The following PTPN12 variants were observed in gnomAD, a reference collection of about 807,000 sequenced individuals.
The protein encoded by PTPN12 is tyrosine-protein phosphatase non-receptor type 12.
In PTPN12, 29 loss-of-function variants were observed where a neutral mutation model predicts 97.6. The ratio of observed to expected loss-of-function variants is 0.30; its 90% CI spans 0.22 to 0.41. The LOEUF (loss-of-function observed/expected upper bound fraction) is 0.41, where lower values mean the gene tolerates loss of function less well. Ranked by LOEUF, PTPN12 falls within the 10% of genes least tolerant of loss-of-function variation. The pLI is 1.00. For missense variants in PTPN12, 819 were observed against 926.0 expected, an observed-to-expected ratio of 0.88 and a Z score of 1.50; for synonymous variants, 327 against 300.4, an observed-to-expected ratio of 1.09 and a Z score of -0.91.
At chr7:77,632,722 C>G (rs968428771) in intron 14 of PTPN12, among the ~76,000 whole-genome samples, 3 of 151,838 alleles carry the variant, frequency 2.0e-5, no homozygotes, top group South Asian at 4.1e-4. Context: ...TTTGGGAGGC[C>G]TAGGCAGGTG....
At chr7:77,573,689 T>G (rs1787238872) in intron 2 of PTPN12, among the ~76,000 whole-genome samples, 1 of 152,204 alleles carries the variant, frequency 6.6e-6, no homozygotes, top group African/African-American at 2.4e-5. Context: ...CATGCACACA[T>G]TCAAAGAGTT....
chr7:77,543,032 G>T (rs559712816), intron 1 of PTPN12, among the ~76,000 whole-genome samples: 4 of 152,116 alleles, frequency 2.6e-5, no homozygotes, highest in African/African-American at 9.7e-5. Context: ...TCCTGAGAAG[G>T]TGTGGTCAAG....
At position 77,597,883 on chromosome 7, in the gene PTPN12, C is replaced by T; in HGVS notation, c.534C>T (p.Leu178=). ...QARTDYFIRT[L]LLEFQNESRR... ...GAACAGACTACTTCATCAGGACACT[C>T]TTACTTGAATTTCAAAATGTAGGTA... The change falls in exon 7 of 18, where the codon CTC becomes CTT. Residue 178 remains leucine, a synonymous_variant. Transcript: ENST00000248594. 6.2e-7 allele frequency: 1 copy of T among 1,612,520 alleles called. No homozygotes were observed. Among genetic ancestry groups the T allele is most frequent in the South Asian group, 1.1e-5 (1 of 90,552 alleles).
chr7:77,584,187 T>C (rs1787612600), intron 4 of PTPN12, among the ~76,000 whole-genome samples: 2 of 152,362 alleles, frequency 1.3e-5, no homozygotes, highest in South Asian at 4.1e-4. Context: ...TGTAGTATTC[T>C]TGAAACCTAA....
intron 2 of PTPN12, among the ~76,000 whole-genome samples, chr7:77,573,084 A>G (rs1787204400): frequency 2.9e-5 from 2 of 68,284 alleles, no homozygotes; most frequent in African/African-American, 1.9e-4. Context: ...CTCTATCTCA[A>G]AAAAAAAAAA....
chr7:77,555,913 T>C (rs1807689475), intron 1 of PTPN12, among the ~76,000 whole-genome samples: 1 of 151,198 alleles, frequency 6.6e-6, no homozygotes, highest in Admixed American at 6.6e-5. Context: ...AGACTCCGTC[T>C]CAAAAAAAAA....
chr7:77,559,900 A>G (rs1009490735), intron 1 of PTPN12, among the ~76,000 whole-genome samples: 11 of 152,228 alleles, frequency 7.2e-5, no homozygotes, highest in African/African-American at 2.7e-4. Context: ...CGGCATTGGT[A>G]GTGATGGGAT....
intron 2 of PTPN12, among the ~76,000 whole-genome samples, chr7:77,576,425 C>T (rs920443892): frequency 6.6e-6 from 1 of 151,912 alleles, no homozygotes; most frequent in Non-Finnish European, 1.5e-5. Context: ...TCTGGCAGGG[C>T]GAGGTGACTC....
In PTPN12 at chr7:77,583,657, A is replaced by T; in HGVS notation, c.381+7A>T. ...ATGGGAGTATAATGTTGTGGTAAGT[A>T]ATTTACTTTTCACAATAAATTTTGA... On this transcript the variant is annotated splice_region_variant and intron_variant, in intron 4 of 17. Coordinates refer to ENST00000248594, the MANE Select transcript of PTPN12 (RefSeq NM_002835.4). The T allele has an allele frequency of 6.5e-7, 1 of 1,527,598 alleles. No individual in the cohort carries two copies. The highest frequency in any genetic ancestry group is 2.3e-5 in the East Asian group (1 of 44,100). 94.6% of individuals were successfully genotyped at this position (1,527,598 alleles called of 1,614,324 possible).
At position 77,573,092 on chromosome 7, in the gene PTPN12, A is replaced by AAC. The variant is rs1419689105; in HGVS notation, c.208+1907_208+1908insCA. ...AGTAAGACTCTATCTCAAAAAAAAA[A>AAC]AAAACAAAAAAACAAAAAAAACCAG... On this transcript the variant is annotated intron_variant, in intron 2 of 17. Coordinates refer to ENST00000248594, the MANE Select transcript of PTPN12 (RefSeq NM_002835.4). Among the ~76,000 whole-genome samples the AAC allele has an allele frequency of 2.8e-5, 3 of 105,902 alleles. 1 individual carries two copies. In the East Asian group the frequency reaches 1.5e-3, roughly 53 times the overall value. The allele number at this position is 105,902 out of a possible 152,430, so 69.5% of individuals were successfully genotyped here.
At position 77,627,637 on chromosome 7, in the gene PTPN12, A is replaced by G; in HGVS notation, c.1958A>G (p.His653Arg). 1.2e-6 allele frequency: 2 copies of G among 1,600,890 alleles called. No individual in the cohort carries two copies. The highest frequency in any genetic ancestry group is 1.7e-6 in the Non-Finnish European group (2 of 1,174,010). Reference protein sequence around the residue: ...RKVLPMSIARHNIAGTTHSGA... With the variant: ...RKVLPMSIARRNIAGTTHSGA... ...GTATTGCCAATGTCCATTGCTAGAC[A>G]TAATATAGCAGGAACAACACATTCA... is the stretch of plus-strand genomic sequence containing the variant. The change falls in exon 13 of 18, where the codon CAT (histidine) becomes CGT (arginine). Residue 653 changes from histidine (H) to arginine (R), a missense_variant. By Grantham distance (29) the His-to-Arg change is conservative. Coordinates refer to ENST00000248594, the MANE Select transcript of PTPN12 (RefSeq NM_002835.4).
At chr7:77,555,234 T>G (rs1471090973) in intron 1 of PTPN12, among the ~76,000 whole-genome samples, 1 of 151,054 alleles carries the variant, frequency 6.6e-6, no homozygotes, top group Non-Finnish European at 1.5e-5. Flanking sequence ...TTTTTTTTTG[T>G]AGTTTGAAAG....
chr7:77,622,048 G>A (rs972629542), intron 12 of PTPN12, among the ~76,000 whole-genome samples: 11 of 152,070 alleles, frequency 7.2e-5, no homozygotes, highest in African/African-American at 2.2e-4. Flanking sequence ...CTGCAGCCTC[G>A]ACCTCAATTG....
Position 77,614,620 on chromosome 7 carries a change from ATTTTC to A in PTPN12, c.939+3577_939+3581del, listed in dbSNP as rs139233566. On this transcript the variant is annotated intron_variant, in intron 11 of 17. Coordinates refer to ENST00000248594, the MANE Select transcript of PTPN12 (RefSeq NM_002835.4). Reference sequence around the variant, plus strand: ...TTATCATTCCAGATAACTTTTTAGTATTTTCTTCTTAAGAAATCATGTTTTCTGTA... The same window carrying A: ...TTATCATTCCAGATAACTTTTTAGTATTCTTAAGAAATCATGTTTTCTGTA... Among the ~76,000 whole-genome samples the A allele has an allele frequency of 6.0e-3, 919 of 152,296 alleles. 5 individuals carry two copies. Among genetic ancestry groups the A allele is most frequent in the African/African-American group, 0.021 (882 of 41,566 alleles).
At chr7:77,624,925 AGG>A (rs1789080605) in intron 12 of PTPN12, among the ~76,000 whole-genome samples, 1 of 151,520 alleles carries the variant, frequency 6.6e-6, no homozygotes, top group African/African-American at 2.4e-5. Flanking sequence ...ACTTGAGGCC[AGG>A]AGTTGGAGAC....
At chr7:77,557,557 A>G (rs1230568471) in intron 1 of PTPN12, among the ~76,000 whole-genome samples, 3 of 152,170 alleles carry the variant, frequency 2.0e-5, no homozygotes. Context: ...TTGTGATAAA[A>G]TGTATTAATA....
At chr7:77,638,910 A>G (rs1789702745) in intron 17 of PTPN12, 179 bp downstream of exon 17, 1 of 1,128,040 alleles carries the variant, frequency 8.9e-7, no homozygotes, top group Non-Finnish European at 1.2e-6. Flanking sequence ...ATTAAAAACT[A>G]AAATAGAAAA....
intron 14 of PTPN12, among the ~76,000 whole-genome samples, chr7:77,634,223 G>A (rs1254132194): frequency 6.6e-6 from 1 of 151,964 alleles, no homozygotes; most frequent in Non-Finnish European, 1.5e-5. Flanking sequence ...GACCACTGGA[G>A]TATCAGAACT....
At position 77,597,839 on chromosome 7, in the gene PTPN12, T is replaced by G; in HGVS notation, c.493-3T>G. On this transcript the variant is annotated splice_region_variant and splice_polypyrimidine_tract_variant and intron_variant, in intron 6 of 17. Coordinates refer to ENST00000248594, the MANE Select transcript of PTPN12 (RefSeq NM_002835.4). ...TGACTTAGAAATGTTTCTCTTTATT[T>G]AGGAGGATGAACAAGCAAGAACAGA... 1 of 1,609,060 alleles carries G rather than the reference T, an allele frequency of 6.2e-7. No individual in the cohort carries two copies. The highest frequency in any genetic ancestry group is 1.1e-5 in the South Asian group (1 of 89,544).
Sources: allele counts gnomAD v4.1 joint callset (sites outside exome capture counted in the v4.1 genomes callset), GRCh38; gene constraint gnomAD v4.1.1; transcripts MANE v1.5; gene names NCBI Gene and HGNC (gene_info 2026-07-23, HGNC 2026-07-21).